MYLIP: variants seen among roughly 807,000 people sequenced by gnomAD.
The protein encoded by MYLIP is E3 ubiquitin-protein ligase MYLIP.
In MYLIP, 26 loss-of-function variants were observed where a neutral mutation model predicts 45.8. The observed-to-expected ratio is 0.57, with a 90% confidence interval of 0.42 to 0.79. MYLIP has a LOEUF of 0.79. MYLIP is among the 30% of genes least tolerant of loss of function. The pLI, the probability that MYLIP is intolerant of heterozygous loss-of-function variation, is 0.00. For missense variants in MYLIP, 494 were observed against 555.6 expected (o/e 0.89, Z 1.11); for synonymous variants, 213 against 218.1 (o/e 0.98, Z 0.21).
chr6:16,145,400 G>C lies in MYLIP; in HGVS notation c.1248+83G>C, dbSNP rs1192481456. On this transcript the variant is annotated intron_variant, in intron 6 of 6. Coordinates refer to ENST00000356840, the MANE Select transcript of MYLIP (RefSeq NM_013262.4). Reference sequence around the variant, plus strand: ...GGGAGTAGGAGCCAGGTACTGGCTCGCTAATGCACAGACGGGGAATGCCCA... The same window carrying C: ...GGGAGTAGGAGCCAGGTACTGGCTCCCTAATGCACAGACGGGGAATGCCCA... 2.1e-6 allele frequency: 3 copies of C among 1,430,734 alleles called. No homozygotes were observed. The Admixed American group carries it at 7.0e-5, about 33-fold the overall frequency. 88.6% of individuals were successfully genotyped at this position (1,430,734 alleles called of 1,614,324 possible).
intron 2 of MYLIP, among the ~76,000 whole-genome samples, chr6:16,136,125 T>C (rs887328981): frequency 6.6e-6 from 1 of 152,172 alleles, no homozygotes; most frequent in Non-Finnish European, 1.5e-5. Context: ...CATTTAATGA[T>C]TTTTGACAAA....
intron 3 of MYLIP, among the ~76,000 whole-genome samples, chr6:16,142,246 A>G (rs1195664119): frequency 6.6e-6 from 1 of 152,264 alleles, no homozygotes; most frequent in Non-Finnish European, 1.5e-5. Context: ...AAATATTTTC[A>G]AAAAATTTGT....
At position 16,148,207 on chromosome 6, in the gene MYLIP, C is replaced by T. The variant is rs916591025; in HGVS notation, c.*1456C>T. The T allele has an allele frequency of 8.5e-5, 13 of 152,524 alleles. No homozygotes were observed. The highest frequency in any genetic ancestry group is 3.1e-4 in the African/African-American group (13 of 41,412). 9.4% of individuals were successfully genotyped at this position (152,524 alleles called of 1,614,324 possible). A position where few individuals can be genotyped will look rare whatever the true frequency, so the allele number is the denominator to read the frequency against. The stretch of plus-strand genomic sequence containing the variant: ...AAGAACTCTGTTATATCCTAGAGGA[C>T]TCTGTCTTTTATATTCGGGATAATA... On this transcript the variant is annotated 3_prime_UTR_variant, in exon 7 of 7. Coordinates refer to ENST00000356840, the MANE Select transcript of MYLIP (RefSeq NM_013262.4).
intron 6 of MYLIP, among the ~76,000 whole-genome samples, 165 bp downstream of exon 6, chr6:16,145,482 A>G (rs1213388802): frequency 2.0e-5 from 3 of 152,186 alleles, no homozygotes; most frequent in Non-Finnish European, 4.4e-5. Flanking sequence ...GCCCTTTAGA[A>G]ACATTTTAGA....
chr6:16,130,775 C>T (rs1759441856), intron 2 of MYLIP, 28 bp downstream of exon 2: 1 of 1,598,002 alleles, frequency 6.3e-7, no homozygotes, highest in African/African-American at 1.3e-5. Flanking sequence ...AAACCAATGT[C>T]AAATTGACCT....
chr6:16,140,214 C>A (rs567940281), intron 2 of MYLIP, among the ~76,000 whole-genome samples: 1 of 152,164 alleles, frequency 6.6e-6, no homozygotes, highest in South Asian at 2.1e-4. Context: ...GACAAGTCAT[C>A]GAAGGAAGGT....
downstream of MYLIP, among the ~76,000 whole-genome samples, chr6:16,151,306 G>A (rs748519973): frequency 1.3e-5 from 2 of 151,414 alleles, no homozygotes; most frequent in Admixed American, 6.6e-5. Context: ...GCAGTGAGCC[G>A]AGATCGCGCC....
chr6:16,155,297 C>G, the MYLIP span, among the ~76,000 whole-genome samples: 1 of 152,144 alleles, frequency 6.6e-6, no homozygotes, highest in Admixed American at 6.5e-5. Flanking sequence ...TCACTCAAGG[C>G]TTTGAGGAAA....
downstream of MYLIP, among the ~76,000 whole-genome samples, chr6:16,148,755 C>T (rs563816403): frequency 6.6e-6 from 1 of 152,106 alleles, no homozygotes; most frequent in South Asian, 2.1e-4. Flanking sequence ...TACAGAAGCT[C>T]GGGCTGTATT....
intron 2 of MYLIP, among the ~76,000 whole-genome samples, chr6:16,137,358 G>A (rs190267377): frequency 2.5e-3 from 378 of 152,300 alleles, no homozygotes; most frequent in Non-Finnish European, 3.9e-3. Context: ...GTTCTGACAA[G>A]GTGAGAGCAG....
At chr6:16,153,692 G>A in the MYLIP span, among the ~76,000 whole-genome samples, 1 of 152,196 alleles carries the variant, frequency 6.6e-6, no homozygotes, top group African/African-American at 2.4e-5. Context: ...GAGAGTGTGT[G>A]TGCCAGAGTT....
downstream of MYLIP, among the ~76,000 whole-genome samples, chr6:16,148,414 A>C (rs1759838329): frequency 6.6e-6 from 1 of 151,166 alleles, no homozygotes; most frequent in Admixed American, 6.6e-5. Context: ...TTAGTAACAA[A>C]CTATAGAAAT....
At chr6:16,132,034 C>T (rs1483688436) in intron 2 of MYLIP, among the ~76,000 whole-genome samples, 1 of 152,170 alleles carries the variant, frequency 6.6e-6, no homozygotes, top group Non-Finnish European at 1.5e-5. Flanking sequence ...GCTTCACTGT[C>T]ATAACTTGCA....
At chr6:16,149,099 T>C (rs1288146271), downstream of MYLIP, among the ~76,000 whole-genome samples, 1 of 152,226 alleles carries the variant, frequency 6.6e-6, no homozygotes, top group Non-Finnish European at 1.5e-5. Context: ...TGATTCTGGA[T>C]GCCTGTATCA....
the MYLIP span, among the ~76,000 whole-genome samples, chr6:16,153,392 A>G: frequency 6.6e-6 from 1 of 152,182 alleles, no homozygotes; most frequent in Non-Finnish European, 1.5e-5. Flanking sequence ...CCGTTATTAA[A>G]GCTATTTTTC....
intron 5 of MYLIP, among the ~76,000 whole-genome samples, chr6:16,144,417 C>T (rs543944715): frequency 6.6e-4 from 100 of 152,294 alleles, no homozygotes; most frequent in Non-Finnish European, 1.1e-3. Context: ...TTGATTCCCT[C>T]ATTTCAGAGG....
chr6:16,130,704 A>G lies in MYLIP; in HGVS notation c.235A>G (p.Lys79Glu), dbSNP rs748173924. Reference sequence around the variant, plus strand: ...CCCTTACAGGCTTAAACTTAGAGTCAAGTTCTTCGTGGAGCCTCATCTCAT... The same window carrying G: ...CCCTTACAGGCTTAAACTTAGAGTCGAGTTCTTCGTGGAGCCTCATCTCAT... ...LAPYRLKLRV[K>E]FFVEPHLILQ... Residue 79 changes from lysine to glutamate, a missense_variant, in exon 2 of 7, where the codon AAG becomes GAG. By Grantham distance (56) the Lys-to-Glu change is moderately conservative (BLOSUM62 1). Transcript: ENST00000356840. 4 of 1,614,154 alleles carry G rather than the reference A, an allele frequency of 2.5e-6. No individual in the cohort carries two copies. Among genetic ancestry groups the G allele is most frequent in the Non-Finnish European group, 3.4e-6 (4 of 1,180,024 alleles).
rs1039886493 is a variant in MYLIP at position 16,129,557 on chromosome 6, G to C, written c.87+148G>C. Reference sequence around the variant, plus strand: ...GGGGAGCGCGTCCCCTCCTCTCCACGGGCGTGGGGCGCGCGGTCTCCTCCT... The same window carrying C: ...GGGGAGCGCGTCCCCTCCTCTCCACCGGCGTGGGGCGCGCGGTCTCCTCCT... On this transcript the variant is annotated intron_variant, in intron 1 of 6. Transcript: ENST00000356840. The surrounding 1 kb of genome is among the most constrained non-coding windows in gnomAD (Gnocchi z 5.1). 1.7e-5 allele frequency: 12 copies of C among 696,966 alleles called. No individual in the cohort carries two copies. Among genetic ancestry groups the C allele is most frequent in the South Asian group, 6.5e-5 (3 of 46,266 alleles). 43.2% of individuals were successfully genotyped at this position (696,966 alleles called of 1,614,324 possible).
chr6:16,150,577 C>T (rs1017943543), downstream of MYLIP, among the ~76,000 whole-genome samples: 1 of 152,116 alleles, frequency 6.6e-6, no homozygotes, highest in Non-Finnish European at 1.5e-5. Flanking sequence ...GCTTGTAGTT[C>T]CAGCTACTCG....
Sources: allele counts gnomAD v4.1 joint callset (sites outside exome capture counted in the v4.1 genomes callset), GRCh38; gene constraint gnomAD v4.1.1; non-coding constraint Gnocchi (gnomAD v3.1); transcripts MANE v1.5; gene names NCBI Gene and HGNC (gene_info 2026-07-23, HGNC 2026-07-21).